The following SDC2 variants were observed in gnomAD, a reference collection of about 807,000 sequenced individuals.
SDC2 encodes syndecan-2.
Under a neutral mutation model 22.2 loss-of-function variants are expected in SDC2, and 13 were observed. The observed-to-expected ratio is 0.59, with a 90% CI of 0.38 to 0.93. SDC2 has a LOEUF of 0.93. SDC2 is among the 40% of genes least tolerant of loss of function. The probability of loss-of-function intolerance (pLI) is 0.00; values close to 1 mark genes in which losing one functional copy is unlikely to be tolerated. For synonymous variants in SDC2, 94 were observed against 92.8 expected (o/e 1.01, Z -0.07); for missense variants, 235 against 246.8 (o/e 0.95, Z 0.32).
Position 96,609,941 on chromosome 8 carries a change from TC to T in SDC2, c.*397del, listed in dbSNP as rs1195069011. On this transcript the variant is annotated 3_prime_UTR_variant, in exon 5 of 5. Transcript: ENST00000302190. ...TCTTACTTTGTTAATTTATCTGTTG[TC>T]CCCTTCCTCTCCTCTGCCCTCCCTT... 6.4e-6 allele frequency: 1 copy of T among 155,158 alleles called. No individual in the cohort carries two copies. The highest frequency in any genetic ancestry group is 2.4e-5 in the African/African-American group (1 of 41,578). 9.6% of individuals were successfully genotyped at this position (155,158 alleles called of 1,614,324 possible). A position where few individuals can be genotyped will look rare whatever the true frequency, so the allele number is the denominator to read the frequency against.
chr8:96,494,369 G>C, intron 1 of SDC2, 38 bp downstream of exon 1: 1 of 1,532,372 alleles, frequency 6.5e-7, no homozygotes, highest in Admixed American at 2.0e-5. Context: ...CGCCGTTTAG[G>C]GTGTTTGAAG....
intron 1 of SDC2, among the ~76,000 whole-genome samples, chr8:96,500,661 CA>C (rs56672989): frequency 0.18 from 12,866 of 73,412 alleles, 702 homozygotes; most frequent in East Asian, 0.49. Context: ...GACTCCATCT[CA>C]AAAAAAAAAA....
chr8:96,534,264 A>G (rs1046377976), intron 1 of SDC2, among the ~76,000 whole-genome samples: 1 of 152,184 alleles, frequency 6.6e-6, no homozygotes, highest in Admixed American at 6.5e-5. Flanking sequence ...CCCACAGTGC[A>G]GTGGTGGGCT....
intron 1 of SDC2, among the ~76,000 whole-genome samples, chr8:96,537,820 A>C (rs1813777674): frequency 6.6e-6 from 1 of 152,198 alleles, no homozygotes; most frequent in African/African-American, 2.4e-5. Context: ...TGAGCCTTCA[A>C]AATCTTTTTA....
intron 1 of SDC2, among the ~76,000 whole-genome samples, chr8:96,588,840 T>C (rs1309901613): frequency 6.6e-6 from 1 of 152,260 alleles, no homozygotes; most frequent in Non-Finnish European, 1.5e-5. Context: ...GCTTAGTAGG[T>C]AAGGCGTTGT....
intron 1 of SDC2, among the ~76,000 whole-genome samples, chr8:96,539,762 G>A (rs1208501483): frequency 1.3e-5 from 2 of 152,080 alleles, no homozygotes; most frequent in Admixed American, 6.5e-5. Flanking sequence ...CTGTTTTCTC[G>A]TGTTAGATGG....
chr8:96,545,565 A>G (rs1490839910), intron 1 of SDC2, among the ~76,000 whole-genome samples: 2 of 152,216 alleles, frequency 1.3e-5, no homozygotes, highest in African/African-American at 4.8e-5. Context: ...GAGAATGAGC[A>G]CGTAATATTA....
chr8:96,609,329 T>C, intron 4 of SDC2, 56 bp from the exon 5 acceptor site: 1 of 1,394,262 alleles, frequency 7.2e-7, no homozygotes, highest in Non-Finnish European at 9.7e-7. Context: ...ACAATAAAGC[T>C]AATGTCTGCA....
At chr8:96,524,847 T>C (rs768030223) in intron 1 of SDC2, among the ~76,000 whole-genome samples, 10 of 152,172 alleles carry the variant, frequency 6.6e-5, no homozygotes, top group Non-Finnish European at 1.2e-4. Flanking sequence ...TTGTGCACTT[T>C]AGTGGGTGGT....
At chr8:96,597,419 A>C (rs1016428552) in intron 2 of SDC2, among the ~76,000 whole-genome samples, 1 of 152,210 alleles carries the variant, frequency 6.6e-6, no homozygotes, top group Admixed American at 6.5e-5. Flanking sequence ...GATGTTGCCT[A>C]CATTTGACAC....
intron 1 of SDC2, among the ~76,000 whole-genome samples, chr8:96,545,842 A>G (rs760706371): frequency 3.3e-5 from 5 of 152,196 alleles, no homozygotes; most frequent in Non-Finnish European, 5.9e-5. Flanking sequence ...GGGTCTGCTG[A>G]CAAGGCAGCA....
intron 1 of SDC2, among the ~76,000 whole-genome samples, chr8:96,569,695 A>AT (rs1320138471): frequency 6.6e-6 from 1 of 152,042 alleles, no homozygotes; most frequent in Admixed American, 6.6e-5. Flanking sequence ...AACTCATTTA[A>AT]TTTTTCAGTA....
chr8:96,575,362 G>T (rs1814469942), intron 1 of SDC2, among the ~76,000 whole-genome samples: 2 of 148,798 alleles, frequency 1.3e-5, no homozygotes, highest in Non-Finnish European at 3.0e-5. Flanking sequence ...AACCTGCGGG[G>T]TGGTGGGGGT....
chr8:96,567,206 A>G (rs925632081), intron 1 of SDC2, among the ~76,000 whole-genome samples: 1 of 152,212 alleles, frequency 6.6e-6, no homozygotes, highest in Admixed American at 6.5e-5. Context: ...GTAAGCGTTC[A>G]TGCCAATAAC....
intron 1 of SDC2, among the ~76,000 whole-genome samples, chr8:96,514,164 T>A (rs115775935): frequency 0.022 from 3,387 of 152,276 alleles, 136 homozygotes; most frequent in African/African-American, 0.076. Flanking sequence ...TATGTAACCA[T>A]TGAAATCTAA....
At chr8:96,505,490 C>T (rs1161905428) in intron 1 of SDC2, among the ~76,000 whole-genome samples, 1 of 152,054 alleles carries the variant, frequency 6.6e-6, no homozygotes, top group Non-Finnish European at 1.5e-5. Flanking sequence ...TTAGTAGAGA[C>T]AGGGTTTCAC....
chr8:96,520,973 T>C (rs1474592340), intron 1 of SDC2, among the ~76,000 whole-genome samples: 2 of 152,026 alleles, frequency 1.3e-5, no homozygotes, highest in Middle Eastern at 3.2e-3. Context: ...AGGAAACGGA[T>C]TGTAGAATTT....
intron 2 of SDC2, 69 bp downstream of exon 2, chr8:96,593,660 T>G (rs183495161): frequency 2.0e-6 from 2 of 1,017,022 alleles, no homozygotes; most frequent in Non-Finnish European, 3.1e-6. Context: ...TTTACTGTGC[T>G]TACTTCAAGG....
intron 1 of SDC2, among the ~76,000 whole-genome samples, chr8:96,592,159 AGATTCCCATGC>A (rs1360529971): frequency 6.6e-6 from 1 of 152,140 alleles, no homozygotes; most frequent in East Asian, 1.9e-4. Context: ...CAAACAAAAT[AGATTCCCATGC>A]TTTGCTTTCA....
Sources: gnomAD v4.1 joint callset for allele counts (sites outside exome capture counted in the v4.1 genomes callset) on GRCh38, gnomAD v4.1.1 for gene constraint, MANE v1.5 for transcripts, NCBI Gene and HGNC (gene_info 2026-07-23, HGNC 2026-07-21) for gene names.